The following INPP4B variants were observed in gnomAD, a reference collection of about 807,000 sequenced individuals.
The protein encoded by INPP4B is inositol polyphosphate-4-phosphatase type II B.
Under a neutral mutation model 122.5 loss-of-function variants are expected in INPP4B, and 55 were observed. The ratio of observed to expected loss-of-function variants is 0.45; its 90% CI spans 0.36 to 0.56. The LOEUF (loss-of-function observed/expected upper bound fraction) is 0.56. Among genes scored for constraint, INPP4B ranks in the 20% least tolerant of loss-of-function variants. The probability of loss-of-function intolerance (pLI) is 0.00; values close to 1 mark genes in which losing one functional copy is unlikely to be tolerated. For synonymous variants in INPP4B, 403 were observed against 388.7 expected (o/e 1.04, Z -0.43); for missense variants, 1,000 against 1,097.7 (o/e 0.91, Z 1.26).
chr4:142,618,524 T>C (rs1744177645), intron 2 of INPP4B, among the ~76,000 whole-genome samples: 1 of 152,020 alleles, frequency 6.6e-6, no homozygotes, highest in South Asian at 2.1e-4. Flanking sequence ...GGAAACTAGA[T>C]ACCCACATGC....
chr4:142,266,341 A>T (rs1226273138), intron 10 of INPP4B, among the ~76,000 whole-genome samples: 2 of 152,144 alleles, frequency 1.3e-5, no homozygotes, highest in Non-Finnish European at 2.9e-5. Context: ...GCCTTCTTAA[A>T]ATATTTTTAT....
chr4:142,221,625 A>G (rs1849438709), intron 12 of INPP4B, among the ~76,000 whole-genome samples: 1 of 151,530 alleles, frequency 6.6e-6, no homozygotes, highest in South Asian at 2.1e-4. Flanking sequence ...TTATGTTACT[A>G]TGGCTCTTTT....
chr4:142,819,071 T>C lies in INPP4B; in HGVS notation c.-254+27138A>G, dbSNP rs148429587. Among the ~76,000 whole-genome samples the C allele has an allele frequency of 5.5e-3, 841 of 152,284 alleles. 6 individuals are homozygous for C. The highest frequency in any genetic ancestry group is 0.019 in the African/African-American group (802 of 41,562). On this transcript the variant is annotated intron_variant, in intron 1 of 25. Coordinates refer to ENST00000262992, the MANE Select transcript of INPP4B (RefSeq NM_001101669.3). ...GTCATGCGTTGTGTGCTGGGATTAC[T>C]CTTTAGTATTTACCCTAGAAGGAAG... is the stretch of plus-strand genomic sequence containing the variant.
At chr4:142,645,154 C>A (rs1201687012) in intron 2 of INPP4B, among the ~76,000 whole-genome samples, 2 of 151,882 alleles carry the variant, frequency 1.3e-5, no homozygotes, top group Non-Finnish European at 2.9e-5. Context: ...TTAAACAATA[C>A]AAAAAGTAAG....
intron 25 of INPP4B, 64 bp from the exon 26 acceptor site, chr4:142,028,978 T>G: frequency 6.5e-7 from 1 of 1,548,974 alleles, no homozygotes; most frequent in Non-Finnish European, 8.7e-7. Context: ...CTTTATTTGT[T>G]TAATGCAGAG....
At chr4:142,029,600 CATAA>C (rs1738545930) in intron 25 of INPP4B, 1 of 985,082 alleles carries the variant, frequency 1.0e-6, no homozygotes, top group Admixed American at 6.1e-5. Flanking sequence ...AATTACAAAA[CATAA>C]ATAGCCATTC....
chr4:142,028,679 C>A lies in INPP4B; in HGVS notation c.*103G>T. ...TTGGGAAACATCTGTGATCATCTCC[C>A]CCACCACAAATTCATGACAATAAAA... On this transcript the variant is annotated 3_prime_UTR_variant, in exon 26 of 26. Coordinates refer to ENST00000262992, the MANE Select transcript of INPP4B (RefSeq NM_001101669.3). 1 of 1,214,020 alleles carries A rather than the reference C, an allele frequency of 8.2e-7. No individual in the cohort carries two copies. Among genetic ancestry groups the A allele is most frequent in the East Asian group, 2.4e-5 (1 of 41,814 alleles). The allele number at this position is 1,214,020 out of a possible 1,614,324, so 75.2% of individuals were successfully genotyped here. A position where few individuals can be genotyped will look rare whatever the true frequency, so the allele number is the denominator to read the frequency against.
intron 2 of INPP4B, among the ~76,000 whole-genome samples, chr4:142,469,834 G>A (rs554081810): frequency 6.6e-6 from 1 of 152,040 alleles, no homozygotes; most frequent in African/African-American, 2.4e-5. Context: ...ATATAAATGG[G>A]CATAGGACTC....
At chr4:142,331,089 G>T (rs1463898096) in intron 7 of INPP4B, among the ~76,000 whole-genome samples, 1 of 152,132 alleles carries the variant, frequency 6.6e-6, no homozygotes, top group Non-Finnish European at 1.5e-5. Flanking sequence ...AAAACCACAG[G>T]CAAGGAAATT....
chr4:142,136,321 G>A (rs1411195045), intron 18 of INPP4B, among the ~76,000 whole-genome samples: 4 of 152,208 alleles, frequency 2.6e-5, no homozygotes, highest in Non-Finnish European at 2.9e-5. Context: ...TCCAAGGCCC[G>A]GGTACAGGCT....
chr4:142,315,514 G>A (rs1000953556), intron 7 of INPP4B, among the ~76,000 whole-genome samples: 7 of 151,884 alleles, frequency 4.6e-5, no homozygotes, highest in Admixed American at 3.9e-4. Flanking sequence ...AATCCTGGCT[G>A]TACATTAGAA....
intron 1 of INPP4B, among the ~76,000 whole-genome samples, chr4:142,737,103 A>G (rs1561013455): frequency 6.6e-6 from 1 of 152,176 alleles, no homozygotes; most frequent in Non-Finnish European, 1.5e-5. Flanking sequence ...CAGAATTGGA[A>G]AAAACTACTT....
rs761280903 is a variant in INPP4B at position 142,308,598 on chromosome 4, T to C, written c.424-3061A>G. On this transcript the variant is annotated intron_variant, in intron 8 of 25. Coordinates refer to ENST00000262992, the MANE Select transcript of INPP4B (RefSeq NM_001101669.3). The stretch of plus-strand genomic sequence containing the variant: ...TCTATGTGAATACTCACTGAACACA[T>C]TGTAAAAGAATGAATGAGAAGAGTC... 5.5e-4 allele frequency among the ~76,000 whole-genome samples: 83 copies of C among 152,200 alleles called. 2 individuals carry two copies. Among genetic ancestry groups the C allele is most frequent in the South Asian group, 1.2e-3 (6 of 4,820 alleles).
At chr4:142,839,569 T>C (rs1245089738) in intron 1 of INPP4B, among the ~76,000 whole-genome samples, 1 of 152,248 alleles carries the variant, frequency 6.6e-6, no homozygotes, top group Non-Finnish European at 1.5e-5. Flanking sequence ...GTTTTTACTA[T>C]AGTAATTATT....
intron 9 of INPP4B, among the ~76,000 whole-genome samples, chr4:142,299,415 A>G (rs1042620237): frequency 2.6e-5 from 4 of 152,000 alleles, no homozygotes; most frequent in African/African-American, 9.7e-5. Context: ...TCGGCCTTCT[A>G]AAGTGCTGGA....
intron 25 of INPP4B, among the ~76,000 whole-genome samples, chr4:142,058,211 G>C (rs1288550311): frequency 6.6e-6 from 1 of 151,970 alleles, no homozygotes; most frequent in African/African-American, 2.4e-5. Flanking sequence ...TTATATCTTA[G>C]TAAATTTCAG....
intron 2 of INPP4B, among the ~76,000 whole-genome samples, chr4:142,652,856 A>C (rs927922274): frequency 6.6e-6 from 1 of 152,218 alleles, no homozygotes; most frequent in Non-Finnish European, 1.5e-5. Flanking sequence ...GAATTGGAAA[A>C]AACTATTTTA....
intron 7 of INPP4B, among the ~76,000 whole-genome samples, chr4:142,348,585 G>A (rs1317672583): frequency 6.6e-6 from 1 of 152,040 alleles, no homozygotes; most frequent in Admixed American, 6.6e-5. Flanking sequence ...CAATTGACAA[G>A]TGCAAATCCA....
At position 142,801,907 on chromosome 4, in the gene INPP4B, C is replaced by G. The variant is rs142636983; in HGVS notation, c.-254+44302G>C. ...TCATGCTACATGCCTCTGGTAAATA[C>G]TCCATAGTTAAATAAATACATGGAT... On this transcript the variant is annotated intron_variant, in intron 1 of 25. Transcript: ENST00000262992. Among the ~76,000 whole-genome samples the G allele has an allele frequency of 2.5e-3, 383 of 152,164 alleles. 5 individuals are homozygous for G. Among genetic ancestry groups the G allele is most frequent in the East Asian group, 0.019 (96 of 5,156 alleles).
Sources: gnomAD v4.1 joint callset for allele counts (sites outside exome capture counted in the v4.1 genomes callset) on GRCh38, gnomAD v4.1.1 for gene constraint, MANE v1.5 for transcripts, NCBI Gene and HGNC (gene_info 2026-07-23, HGNC 2026-07-21) for gene names.